MAGI2: variants seen among roughly 807,000 people sequenced by gnomAD.
The protein encoded by MAGI2 is membrane associated guanylate kinase, WW and PDZ domain containing 2, also known as membrane-associated guanylate kinase, WW and PDZ domain-containing protein 2.
A neutral mutation model predicts 133.3 loss-of-function variants in MAGI2; 35 were observed. That is an observed-to-expected ratio of 0.26 (90% CI 0.20 to 0.35). The LOEUF (loss-of-function observed/expected upper bound fraction) is 0.35. MAGI2 is among the 10% of genes least tolerant of loss of function. The pLI is 1.00. For missense variants in MAGI2, 1,636 were observed against 1,863.4 expected (o/e 0.88, Z 2.25); for synonymous variants, 729 against 710.6 (o/e 1.03, Z -0.41).
At chr7:78,654,404 T>C (rs1811910124) in intron 2 of MAGI2, among the ~76,000 whole-genome samples, 1 of 152,020 alleles carries the variant, frequency 6.6e-6, no homozygotes, top group Non-Finnish European at 1.5e-5. Context: ...CCAACCTGAG[T>C]CTTGAATGAA....
chr7:78,700,673 G>T (rs1817976409), intron 2 of MAGI2, among the ~76,000 whole-genome samples: 1 of 151,968 alleles, frequency 6.6e-6, no homozygotes, highest in African/African-American at 2.4e-5. Context: ...AAAGATTGAA[G>T]ATATCTGACT....
At chr7:79,080,265 G>A (rs1317254357) in intron 1 of MAGI2, among the ~76,000 whole-genome samples, 4 of 152,098 alleles carry the variant, frequency 2.6e-5, no homozygotes, top group African/African-American at 4.8e-5. Context: ...AAAATGAAAT[G>A]TACAATCAAT....
At chr7:79,179,352 C>T (rs1316633139) in intron 1 of MAGI2, among the ~76,000 whole-genome samples, 2 of 151,810 alleles carry the variant, frequency 1.3e-5, no homozygotes, top group Non-Finnish European at 2.9e-5. Context: ...GATTACTACC[C>T]AAAGCAATCA....
At chr7:78,450,187 G>A (rs1788575885) in intron 6 of MAGI2, among the ~76,000 whole-genome samples, 1 of 151,856 alleles carries the variant, frequency 6.6e-6, no homozygotes, top group Non-Finnish European at 1.5e-5. Flanking sequence ...ATACTAGTAT[G>A]AGGGCTGTAT....
intron 1 of MAGI2, among the ~76,000 whole-genome samples, chr7:79,071,081 T>C (rs969863669): frequency 1.3e-5 from 2 of 152,164 alleles, no homozygotes; most frequent in Non-Finnish European, 2.9e-5. Context: ...TCTTCGTGGA[T>C]TTATCTACCT....
At chr7:78,292,149 G>C (rs530727226) in intron 9 of MAGI2, among the ~76,000 whole-genome samples, 2 of 152,294 alleles carry the variant, frequency 1.3e-5, no homozygotes, top group Admixed American at 6.5e-5. Flanking sequence ...AATTGTCCCT[G>C]TTTGCAGATG....
At chr7:78,220,686 T>C (rs894086031) in intron 10 of MAGI2, among the ~76,000 whole-genome samples, 16 of 152,082 alleles carry the variant, frequency 1.1e-4, no homozygotes, top group Non-Finnish European at 1.9e-4. Flanking sequence ...AACTTGACCA[T>C]GAGAAAAATA....
chr7:79,058,467 C>A (rs974015733), intron 1 of MAGI2, among the ~76,000 whole-genome samples: 7 of 152,102 alleles, frequency 4.6e-5, no homozygotes, highest in African/African-American at 1.7e-4. Context: ...ACCTACTCCA[C>A]AGTTGAGAAA....
At chr7:78,380,411 C>G (rs945557385) in intron 6 of MAGI2, among the ~76,000 whole-genome samples, 1 of 151,924 alleles carries the variant, frequency 6.6e-6, no homozygotes. Flanking sequence ...TACTATTCAA[C>G]CATAATAAGG....
intron 21 of MAGI2, among the ~76,000 whole-genome samples, chr7:78,031,013 A>C (rs752895269): frequency 2.1e-4 from 32 of 152,350 alleles, no homozygotes; most frequent in Non-Finnish European, 4.6e-4. Flanking sequence ...TCTGTGGTAC[A>C]ATGGGATAGT....
chr7:78,438,684 G>A (rs1052759573), intron 6 of MAGI2, among the ~76,000 whole-genome samples: 1 of 152,106 alleles, frequency 6.6e-6, no homozygotes, highest in Non-Finnish European at 1.5e-5. Flanking sequence ...CCACAGCCAA[G>A]GAGCAGCTGG....
chr7:78,405,981 AT>A (rs1417166790), intron 6 of MAGI2, among the ~76,000 whole-genome samples: 1 of 152,002 alleles, frequency 6.6e-6, no homozygotes, highest in Non-Finnish European at 1.5e-5. Context: ...AAACATCAGA[AT>A]TTAGTTTACA....
chr7:78,161,667 T>TAAAAAAAAAAAAAAAAAAAAAA lies in MAGI2; in HGVS notation c.2597-1395_2597-1394insTTTTTTTTTTTTTTTTTTTTTT, dbSNP rs71515391. ...AGAGACGTTTTGTTACATCGATACC[T>TAAAAAAAAAAAAAAAAAAAAAA]AAAAAAAAAAAAAAAAAAAAGAAAA... On this transcript the variant is annotated intron_variant, in intron 15 of 21. Coordinates refer to ENST00000354212, the MANE Select transcript of MAGI2 (RefSeq NM_012301.4). Among the ~76,000 whole-genome samples the TAAAAAAAAAAAAAAAAAAAAAA allele has an allele frequency of 2.7e-3, 184 of 68,898 alleles. 4 individuals carry two copies. Among genetic ancestry groups the TAAAAAAAAAAAAAAAAAAAAAA allele is most frequent in the East Asian group, 7.0e-3 (13 of 1,864 alleles). The allele number at this position is 68,898 out of a possible 152,430, so 45.2% of individuals were successfully genotyped here. A position where few individuals can be genotyped will look rare whatever the true frequency, so the allele number is the denominator to read the frequency against.
At chr7:78,072,502 G>A (rs6465993) in intron 21 of MAGI2, 3,363 of 155,282 alleles carry the variant, frequency 0.022, 132 homozygotes, top group African/African-American at 0.076. Context: ...TGATTTAGTT[G>A]AGGAAATACT....
At chr7:78,099,812 A>T (rs1220028106) in intron 20 of MAGI2, among the ~76,000 whole-genome samples, 1 of 152,208 alleles carries the variant, frequency 6.6e-6, no homozygotes, top group Admixed American at 6.5e-5. Flanking sequence ...CCACTTGGGT[A>T]CTTGGGAGAC....
At chr7:78,111,664 A>G (rs1819376796) in intron 20 of MAGI2, among the ~76,000 whole-genome samples, 1 of 152,236 alleles carries the variant, frequency 6.6e-6, no homozygotes, top group African/African-American at 2.4e-5. Context: ...CTCTGAAAAG[A>G]AAAAGGTAAT....
At chr7:78,793,568 G>A (rs1787355506) in intron 2 of MAGI2, among the ~76,000 whole-genome samples, 1 of 152,076 alleles carries the variant, frequency 6.6e-6, no homozygotes, top group African/African-American at 2.4e-5. Flanking sequence ...TCAATATTTG[G>A]AAATCTGTTA....
intron 2 of MAGI2, among the ~76,000 whole-genome samples, chr7:78,979,462 A>C (rs889826111): frequency 6.6e-6 from 1 of 151,820 alleles, no homozygotes; most frequent in Non-Finnish European, 1.5e-5. Flanking sequence ...CTCCAGCCAA[A>C]TAACTCTCCT....
intron 1 of MAGI2, among the ~76,000 whole-genome samples, chr7:79,115,363 ATTTTT>A (rs1819300216): frequency 6.6e-6 from 1 of 152,214 alleles, no homozygotes; most frequent in Non-Finnish European, 1.5e-5. Flanking sequence ...ATTTAGCATT[ATTTTT>A]ATATATGCCT....
Sources: gnomAD v4.1 joint callset for allele counts (sites outside exome capture counted in the v4.1 genomes callset) on GRCh38, gnomAD v4.1.1 for gene constraint, MANE v1.5 for transcripts, NCBI Gene and HGNC (gene_info 2026-07-23, HGNC 2026-07-21) for gene names.